Variants in F8 observed in about 807,000 individuals in gnomAD.
F8 encodes coagulation factor VIII, also known as antihemophilic factor.
In F8, 12 loss-of-function variants were observed where a neutral mutation model predicts 140.6. The observed-to-expected ratio is 0.09, with a 90% CI of 0.05 to 0.14. The LOEUF (loss-of-function observed/expected upper bound fraction) is 0.14. Among genes scored for constraint, F8 ranks in the 10% least tolerant of loss-of-function variants. The pLI, the probability that F8 is intolerant of heterozygous loss-of-function variation, is 1.00. For missense variants in F8, 1,354 were observed against 1,720.7 expected (o/e 0.79, Z 3.77); for synonymous variants, 585 against 614.6 (o/e 0.95, Z 0.71).
chrX:155,007,615 C>T (rs1006460094), intron 1 of F8, among the ~76,000 whole-genome samples: 3 of 112,268 alleles, frequency 2.7e-5, no homozygotes. Context: ...CTTGCATTAC[C>T]GCCTGGGCTC....
chrX:154,918,576 G>T (rs2073112154), intron 14 of F8, among the ~76,000 whole-genome samples: 1 of 108,120 alleles, frequency 9.2e-6, no homozygotes, highest in Non-Finnish European at 1.9e-5. Flanking sequence ...TTGGGAAGGG[G>T]ATGCTGCAGT....
chrX:154,957,618 G>T (rs1228564908), intron 10 of F8, among the ~76,000 whole-genome samples: 1 of 111,329 alleles, frequency 9.0e-6, no homozygotes, highest in Admixed American at 9.6e-5. Context: ...CCTCACCTCA[G>T]TAAGTTATGC....
At position 154,873,228 on chromosome X, in the gene F8, C is replaced by CT. The variant is rs1190861463; in HGVS notation, c.6430-10002dup. On this transcript the variant is annotated intron_variant, in intron 22 of 25. Coordinates refer to ENST00000360256, the MANE Select transcript of F8 (RefSeq NM_000132.4). ...AAAGACCCCAAGGAGGCAAAGCAAT[C>CT]TTTTTTTTTTTTTTTTGAGACAGAG... 6.2e-3 allele frequency among the ~76,000 whole-genome samples: 604 copies of CT among 96,863 alleles called. 2 individuals carry two copies. The highest frequency in any genetic ancestry group is 7.8e-3 in the East Asian group (25 of 3,208). 84.1% of individuals were successfully genotyped at this position (96,863 alleles called of 115,157 possible).
In F8 at chrX:154,957,088, T is replaced by A. The variant is rs139526001; in HGVS notation, c.1621A>T (p.Thr541Ser). Residue 541 changes from threonine (T) to serine (S), a missense_variant, in exon 11 of 26, where the codon ACT (threonine) becomes TCT (serine). Physicochemically the swap from Thr to Ser is moderately conservative, Grantham distance 58. Coordinates refer to ENST00000360256, the MANE Select transcript of F8 (RefSeq NM_000132.4). The part of the protein sequence containing the change: ...KWTVTVEDGP[T>S]KSDPRCLTRY... ...GTCAGGCACCGAGGATCTGATTTAG[T>A]TGGCCCATCTTCTACAGTCACTGTC... is the stretch of plus-strand genomic sequence containing the variant. 5.8e-6 allele frequency: 7 copies of A among 1,210,668 alleles called. No homozygotes were observed. Among genetic ancestry groups the A allele is most frequent in the Non-Finnish European group, 7.8e-6 (7 of 894,548 alleles).
chrX:155,014,497 T>C (rs782613334), intron 1 of F8, among the ~76,000 whole-genome samples: 1 of 112,240 alleles, frequency 8.9e-6, no homozygotes, highest in Admixed American at 9.4e-5. Context: ...ACTGTCTTTA[T>C]TTGCAGACAA....
intron 4 of F8, among the ~76,000 whole-genome samples, chrX:154,989,576 T>C (rs2073576621): frequency 8.9e-6 from 1 of 112,214 alleles, no homozygotes; most frequent in Admixed American, 9.5e-5. Flanking sequence ...GATACATCAC[T>C]GTTGATTGAA....
chrX:154,871,560 A>C (rs2072773763), intron 22 of F8, among the ~76,000 whole-genome samples: 1 of 112,437 alleles, frequency 8.9e-6, no homozygotes, highest in Non-Finnish European at 1.9e-5. Context: ...GATGGATCAA[A>C]TACTTAAACG....
At chrX:154,890,877 T>C (rs2062511966) in intron 22 of F8, among the ~76,000 whole-genome samples, 1 of 112,446 alleles carries the variant, frequency 8.9e-6, no homozygotes. Context: ...AAATGGAAGC[T>C]TTCCCACTTT....
chrX:155,000,987 G>C (rs782618845), intron 1 of F8, among the ~76,000 whole-genome samples: 1 of 111,635 alleles, frequency 9.0e-6, no homozygotes, highest in Non-Finnish European at 1.9e-5. Flanking sequence ...CATATGCTTG[G>C]AGTAAAAGCC....
chrX:154,978,342 T>C (rs1480459772), intron 6 of F8, among the ~76,000 whole-genome samples: 2 of 111,561 alleles, frequency 1.8e-5, no homozygotes, highest in Admixed American at 9.5e-5. Flanking sequence ...TTTTTTTATT[T>C]TGTGGATACA....
At chrX:154,939,703 G>A (rs1289776348) in intron 13 of F8, among the ~76,000 whole-genome samples, 49 of 112,369 alleles carry the variant, frequency 4.4e-4, no homozygotes, top group Middle Eastern at 4.6e-3. Flanking sequence ...ATCTGAGAAC[G>A]GGCAGACTGC....
chrX:154,996,882 T>C, intron 3 of F8, 91 bp downstream of exon 3: 1 of 1,017,654 alleles, frequency 9.8e-7, no homozygotes, highest in Non-Finnish European at 1.4e-6. Context: ...GTTAGGACCT[T>C]AAAAGAGTTG....
At chrX:154,864,116 C>A (rs782558625) in intron 22 of F8, among the ~76,000 whole-genome samples, 1 of 112,621 alleles carries the variant, frequency 8.9e-6, no homozygotes, top group Non-Finnish European at 1.9e-5. Flanking sequence ...TGTGAGCCAA[C>A]TCCAGTCTTG....
intron 22 of F8, among the ~76,000 whole-genome samples, chrX:154,865,960 G>C (rs977448629): frequency 4.5e-5 from 5 of 111,051 alleles, no homozygotes; most frequent in African/African-American, 1.6e-4. Flanking sequence ...TGGGAAGTAA[G>C]AAACAAAAAT....
intron 4 of F8, among the ~76,000 whole-genome samples, chrX:154,987,646 G>A (rs2073566757): frequency 8.9e-6 from 1 of 112,574 alleles, no homozygotes; most frequent in Admixed American, 9.3e-5. Context: ...TGTTACTCTT[G>A]TAACTTTTTA....
chrX:154,966,312 T>C, intron 8 of F8, 114 bp downstream of exon 8: 1 of 1,001,677 alleles, frequency 1.0e-6, no homozygotes, highest in East Asian at 3.1e-5. Context: ...TGCCATTTGA[T>C]TCCATACCTG....
intron 22 of F8, among the ~76,000 whole-genome samples, chrX:154,872,635 C>G (rs1434664913): frequency 9.0e-6 from 1 of 110,716 alleles, no homozygotes; most frequent in Non-Finnish European, 1.9e-5. Flanking sequence ...CACCAGGGCA[C>G]GTGTATACCT....
chrX:155,003,650 T>C (rs1557285847), intron 1 of F8, among the ~76,000 whole-genome samples: 1 of 111,412 alleles, frequency 9.0e-6, no homozygotes, highest in Non-Finnish European at 1.9e-5. Flanking sequence ...TTCAGGAAGC[T>C]CAGAGAATAC....
intron 13 of F8, among the ~76,000 whole-genome samples, chrX:154,932,669 C>A (rs1213680799): frequency 1.8e-5 from 2 of 111,464 alleles, no homozygotes; most frequent in African/African-American, 6.5e-5. Flanking sequence ...TCAAATGTCA[C>A]CATTATCAGG....
Sources: allele counts gnomAD v4.1 joint callset (sites outside exome capture counted in the v4.1 genomes callset), GRCh38; gene constraint gnomAD v4.1.1; transcripts MANE v1.5; gene names NCBI Gene and HGNC (gene_info 2026-07-23, HGNC 2026-07-21).